The following CASD1 variants were observed in gnomAD, a reference collection of about 807,000 sequenced individuals.
CASD1 encodes the protein N-acetylneuraminate (7)9-O-acetyltransferase.
A neutral mutation model predicts 100.0 loss-of-function variants in CASD1; 41 were observed. The observed-to-expected ratio is 0.41, with a 90% CI of 0.32 to 0.53. CASD1 has a LOEUF of 0.53. CASD1 is among the 20% of genes least tolerant of loss of function. The probability of loss-of-function intolerance (pLI) is 0.25; values close to 1 mark genes in which losing one functional copy is unlikely to be tolerated. For synonymous variants in CASD1, 321 were observed against 315.6 expected (o/e 1.02, Z -0.18); for missense variants, 774 against 948.7 (o/e 0.82, Z 2.42).
the CASD1 span, among the ~76,000 whole-genome samples, chr7:94,570,323 C>A: frequency 1.4e-4 from 21 of 151,742 alleles, no homozygotes; most frequent in African/African-American, 4.6e-4. Flanking sequence ...TAATTATTTT[C>A]TTTGTTATTA....
At position 94,538,652 on chromosome 7, in the gene CASD1, C is replaced by T. The variant is rs184404928; in HGVS notation, c.1267-315C>T. ...CCATTTTTAGATTTATAAATACTCA[C>T]ATCTGTCATAGTTTAATTTTAGTAC... is the stretch of plus-strand genomic sequence containing the variant. On this transcript the variant is annotated intron_variant, in intron 9 of 17. Coordinates refer to ENST00000297273, the MANE Select transcript of CASD1 (RefSeq NM_022900.5). 9.2e-5 allele frequency among the ~76,000 whole-genome samples: 14 copies of T among 152,178 alleles called. No homozygotes were observed. In the East Asian group the frequency reaches 2.5e-3, roughly 27 times the overall value.
rs764428503 is a variant in CASD1, at chr7:94,555,518, G to T, written c.2154G>T (p.Trp718Cys). ...TATTTATTTGCCAGTATCACATATG[G>T]CTGGCAGCGGACACAAGGGGTATCT... ...LELFICQYHI[W>C]LAADTRGILV... The change falls in exon 18 of 18, where the codon TGG becomes TGT. Residue 718 changes from tryptophan (W) to cysteine (C), a missense_variant. Around this residue, in one of 5 missense-constraint regions of CASD1, gnomAD observed 175 missense variants for 206.9 expected, o/e 0.85. Coordinates refer to ENST00000297273, the MANE Select transcript of CASD1 (RefSeq NM_022900.5). The T allele has an allele frequency of 6.2e-7, 1 of 1,612,768 alleles. No homozygotes were observed. Among genetic ancestry groups the T allele is most frequent in the Non-Finnish European group, 8.5e-7 (1 of 1,179,332 alleles).
chr7:94,517,720 G>T, intron 2 of CASD1, 64 bp downstream of exon 2: 1 of 969,864 alleles, frequency 1.0e-6, no homozygotes, highest in Non-Finnish European at 1.6e-6. Flanking sequence ...GTGGAGAGGG[G>T]TTGGTGAAAC....
the CASD1 span, among the ~76,000 whole-genome samples, chr7:94,631,497 A>C: frequency 6.6e-6 from 1 of 151,948 alleles, no homozygotes; most frequent in African/African-American, 2.4e-5. Context: ...GGAGCAATTA[A>C]GGTTGGACAG....
chr7:94,588,873 G>T, the CASD1 span: 1 of 850,492 alleles, frequency 1.2e-6, no homozygotes, highest in Non-Finnish European at 1.9e-6. Flanking sequence ...CCCCTTTCAT[G>T]AGCTTACAGA....
At position 94,555,610 on chromosome 7, in the gene CASD1, C is replaced by T; in HGVS notation, c.2246C>T (p.Ala749Val). The change falls in exon 18 of 18, where the codon GCA becomes GTA. Residue 749 changes from alanine (A) to valine (V), a missense_variant. Coordinates refer to ENST00000297273, the MANE Select transcript of CASD1 (RefSeq NM_022900.5). Reference sequence around the variant, plus strand: ...AGCACTTTCATATTTGTTTGTGTGGCACATGAAATTTCTCAGATCACTAAT... The same window carrying T: ...AGCACTTTCATATTTGTTTGTGTGGTACATGAAATTTCTCAGATCACTAAT... ...IVSTFIFVCV[A>V]HEISQITNDL... The T allele has an allele frequency of 6.2e-7, 1 of 1,613,464 alleles. No individual in the cohort carries two copies. Among genetic ancestry groups the T allele is most frequent in the Non-Finnish European group, 8.5e-7 (1 of 1,179,664 alleles).
chr7:94,554,825 G>A (rs545307788), intron 17 of CASD1, among the ~76,000 whole-genome samples: 103 of 152,038 alleles, frequency 6.8e-4, no homozygotes, highest in African/African-American at 2.3e-3. Context: ...TATTATTTAC[G>A]TTGTCTTGAG....
the CASD1 span, among the ~76,000 whole-genome samples, chr7:94,562,637 C>A: frequency 6.8e-6 from 1 of 146,826 alleles, no homozygotes. Flanking sequence ...TTTTTTTTTT[C>A]TTTGAGATTA....
the CASD1 span, among the ~76,000 whole-genome samples, chr7:94,591,347 A>G: frequency 6.6e-6 from 1 of 152,156 alleles, no homozygotes; most frequent in Non-Finnish European, 1.5e-5. Flanking sequence ...GGTCTATTCT[A>G]CACTCAAAAC....
chr7:94,631,088 A>C, the CASD1 span, among the ~76,000 whole-genome samples: 1 of 151,992 alleles, frequency 6.6e-6, no homozygotes, highest in Non-Finnish European at 1.5e-5. Context: ...AGAGGGAAGG[A>C]AGCTACAAGT....
At chr7:94,528,128 TG>T in intron 4 of CASD1, 59 bp from the exon 5 acceptor site, 1 of 1,148,236 alleles carries the variant, frequency 8.7e-7, no homozygotes, top group South Asian at 1.3e-5. Flanking sequence ...ATGTTTATTT[TG>T]AATGGTGGAA....
the CASD1 span, among the ~76,000 whole-genome samples, chr7:94,608,866 T>C: frequency 6.6e-4 from 100 of 152,300 alleles, no homozygotes; most frequent in African/African-American, 2.3e-3. Context: ...ACTAGACTTA[T>C]ACATGTAAAA....
chr7:94,550,890 A>AT (rs1795914777), intron 14 of CASD1, among the ~76,000 whole-genome samples: 1 of 151,786 alleles, frequency 6.6e-6, no homozygotes, highest in Non-Finnish European at 1.5e-5. Flanking sequence ...GGTCTACCAT[A>AT]TTTTTTTCAC....
the CASD1 span, among the ~76,000 whole-genome samples, chr7:94,616,456 A>ATT: frequency 6.6e-6 from 1 of 152,150 alleles, no homozygotes; most frequent in Non-Finnish European, 1.5e-5. Flanking sequence ...TTAAACAAAA[A>ATT]TTTTTACAAG....
the CASD1 span, chr7:94,621,375 C>T: frequency 1.3e-5 from 2 of 152,240 alleles, no homozygotes; most frequent in African/African-American, 4.8e-5. Context: ...ACTACTCCTT[C>T]TCACTAGCAC....
rs1224633260 is a variant in CASD1, at chr7:94,537,639, T to A, written c.1011T>A (p.Ala337=). 1 of 1,613,806 alleles carries A rather than the reference T, an allele frequency of 6.2e-7. No homozygotes were observed. The highest frequency in any genetic ancestry group is 1.3e-5 in the African/African-American group (1 of 74,908). The change falls in exon 9 of 18, where the codon GCT becomes GCA. Residue 337 remains alanine (A), a synonymous_variant. Transcript: ENST00000297273. ...YLIFYIIHRN[A]HRKNKPCTDL... ...TTTTTTACATAATTCATCGTAATGC[T>A]CATCGGAAGAATAAGCCGTGTACTG...
intron 5 of CASD1, among the ~76,000 whole-genome samples, chr7:94,529,152 TTA>T (rs1359968646): frequency 6.6e-6 from 1 of 152,178 alleles, no homozygotes; most frequent in Non-Finnish European, 1.5e-5. Context: ...TTGGTTTTGT[TTA>T]TATGTTTTTA....
chr7:94,520,473 G>A (rs1258051385), intron 3 of CASD1, among the ~76,000 whole-genome samples: 1 of 152,056 alleles, frequency 6.6e-6, no homozygotes, highest in African/African-American at 2.4e-5. Flanking sequence ...GAGAAGCTTT[G>A]GTCAAATAAA....
At chr7:94,571,381 C>G in the CASD1 span, among the ~76,000 whole-genome samples, 29 of 152,180 alleles carry the variant, frequency 1.9e-4, no homozygotes, top group African/African-American at 7.0e-4. Flanking sequence ...ACAGTTTTGC[C>G]AGACATAGAA....
Sources: gnomAD v4.1 joint callset for allele counts (sites outside exome capture counted in the v4.1 genomes callset) on GRCh38, gnomAD v4.1.1 for gene constraint, gnomAD v4.1.1 regional missense constraint, MANE v1.5 for transcripts, NCBI Gene and HGNC (gene_info 2026-07-23, HGNC 2026-07-21) for gene names.